Variants in EBF1 observed in about 807,000 individuals in gnomAD.
EBF1 encodes EBF transcription factor 1.
EBF1 carries 10 observed loss-of-function variants against 68.4 expected under a neutral mutation model. The observed-to-expected ratio is 0.15, with a 90% CI of 0.09 to 0.25. EBF1 has a LOEUF of 0.25. Among genes scored for constraint, EBF1 ranks in the 10% least tolerant of loss-of-function variants. The pLI, the probability that EBF1 is intolerant of heterozygous loss-of-function variation, is 1.00. For synonymous variants in EBF1, 298 were observed against 299.8 expected (o/e 0.99, Z 0.06); for missense variants, 509 against 794.4 (o/e 0.64, Z 4.32).
At chr5:159,069,689 G>A (rs1777482454) in intron 6 of EBF1, among the ~76,000 whole-genome samples, 1 of 152,086 alleles carries the variant, frequency 6.6e-6, no homozygotes, top group Non-Finnish European at 1.5e-5. Flanking sequence ...TACCCTATGT[G>A]ACTTTTGTCA....
At chr5:158,820,515 GACTC>G (rs1330600197) in intron 8 of EBF1, among the ~76,000 whole-genome samples, 1 of 152,274 alleles carries the variant, frequency 6.6e-6, no homozygotes, top group Non-Finnish European at 1.5e-5. Context: ...GTGGTTGGTT[GACTC>G]ACTCTGCAGA....
intron 7 of EBF1, among the ~76,000 whole-genome samples, chr5:158,826,315 G>A (rs1786101061): frequency 6.6e-6 from 1 of 152,190 alleles, no homozygotes; most frequent in Non-Finnish European, 1.5e-5. Flanking sequence ...CAATACAGAA[G>A]CCAAATGCCT....
At chr5:158,804,840 C>T (rs1781274626) in intron 8 of EBF1, among the ~76,000 whole-genome samples, 1 of 152,106 alleles carries the variant, frequency 6.6e-6, no homozygotes, top group East Asian at 1.9e-4. Context: ...CTTTGGGTTT[C>T]TTTCCCACCT....
rs1763190387 is a variant in EBF1, at chr5:159,004,557, GGT to G, written c.554+68837_554+68838del. Among the ~76,000 whole-genome samples, 4 of 151,984 alleles carry G rather than the reference GGT, an allele frequency of 2.6e-5. 1 individual carries two copies. Among genetic ancestry groups the G allele is most frequent in the African/African-American group, 9.7e-5 (4 of 41,348 alleles). On this transcript the variant is annotated intron_variant, in intron 6 of 15. Coordinates refer to ENST00000313708, the MANE Select transcript of EBF1 (RefSeq NM_024007.5). ...TAGTAGGTAGGTAGGTAGGTAGGTA[GGT>G]AGGTAGGTAGATAATCAAAGTCTTT...
At chr5:158,943,832 G>A (rs1051826548) in intron 6 of EBF1, among the ~76,000 whole-genome samples, 5 of 152,092 alleles carry the variant, frequency 3.3e-5, no homozygotes, top group Admixed American at 1.3e-4. Context: ...TCCATGTTTG[G>A]GTCAATCAAG....
rs1271149781 is a variant in EBF1, at chr5:159,062,097, G to C, written c.554+11299C>G. Among the ~76,000 whole-genome samples the C allele has an allele frequency of 5.9e-5, 9 of 152,314 alleles. No individual in the cohort carries two copies. In the South Asian group the frequency reaches 1.2e-3, roughly 21 times the overall value. ...CTATCTGCCTTTAACAGGAAGAAGA[G>C]ATGGGCTCAATGAGGACGACTCACG... On this transcript the variant is annotated intron_variant, in intron 6 of 15. Transcript: ENST00000313708.
chr5:159,042,629 T>G (rs892662592), intron 6 of EBF1, among the ~76,000 whole-genome samples: 3 of 152,142 alleles, frequency 2.0e-5, no homozygotes, highest in East Asian at 1.9e-4. Context: ...TGTGTATGTT[T>G]TGGCTCCCCA....
intron 6 of EBF1, among the ~76,000 whole-genome samples, chr5:158,964,628 T>C (rs917232546): frequency 2.0e-5 from 3 of 152,176 alleles, no homozygotes; most frequent in African/African-American, 7.2e-5. Flanking sequence ...TACCTAAGGC[T>C]TCCCCAATCC....
chr5:158,833,335 T>A (rs1788032714), intron 7 of EBF1, among the ~76,000 whole-genome samples: 2 of 151,696 alleles, frequency 1.3e-5, no homozygotes, highest in African/African-American at 4.8e-5. Context: ...GGTTTTCATC[T>A]CCCACCCCAC....
rs934715132 is a variant in EBF1, at chr5:159,076,443, C to T, written c.486-2979G>A. ...TTTTTCCTTTTCACTTAAGCACGGT[C>T]GTCATCTAAAAATAAAAATGTCCCT... is the stretch of plus-strand genomic sequence containing the variant. On this transcript the variant is annotated intron_variant, in intron 5 of 15. Transcript: ENST00000313708. 3.3e-5 allele frequency among the ~76,000 whole-genome samples: 5 copies of T among 152,180 alleles called. No homozygotes were observed. The South Asian group carries it at 1.0e-3, about 32-fold the overall frequency.
At chr5:158,926,584 C>G (rs571714268) in intron 6 of EBF1, among the ~76,000 whole-genome samples, 3 of 151,900 alleles carry the variant, frequency 2.0e-5, no homozygotes, top group South Asian at 2.1e-4. Flanking sequence ...ATTAGCCAGG[C>G]ATGGTGGCAC....
At chr5:158,992,113 T>C (rs1013706441) in intron 6 of EBF1, among the ~76,000 whole-genome samples, 14 of 151,810 alleles carry the variant, frequency 9.2e-5, no homozygotes, top group African/African-American at 3.1e-4. Flanking sequence ...TAAAGCCATT[T>C]AAAGGAAAAA....
chr5:159,094,545 G>A (rs1283695377), intron 4 of EBF1, among the ~76,000 whole-genome samples: 1 of 152,012 alleles, frequency 6.6e-6, no homozygotes, highest in Non-Finnish European at 1.5e-5. Context: ...AAGCCGTGGT[G>A]TATCTAAAAA....
chr5:159,068,581 C>T (rs1382932348), intron 6 of EBF1, among the ~76,000 whole-genome samples: 1 of 152,128 alleles, frequency 6.6e-6, no homozygotes, highest in East Asian at 1.9e-4. Flanking sequence ...ATTTACACCT[C>T]TTAGAAAAAG....
chr5:158,977,020 C>T (rs1756909342), intron 6 of EBF1, among the ~76,000 whole-genome samples: 1 of 152,118 alleles, frequency 6.6e-6, no homozygotes, highest in South Asian at 2.1e-4. Flanking sequence ...AGAATCTGCC[C>T]CTACACCCAA....
chr5:159,070,803 A>G (rs1034038944), intron 6 of EBF1, among the ~76,000 whole-genome samples: 10 of 152,234 alleles, frequency 6.6e-5, no homozygotes, highest in South Asian at 2.1e-4. Context: ...ATTGCTACTG[A>G]ATGCAGGCCT....
At chr5:159,003,937 G>C (rs750357481) in intron 6 of EBF1, among the ~76,000 whole-genome samples, 33 of 152,170 alleles carry the variant, frequency 2.2e-4, no homozygotes, top group Non-Finnish European at 4.0e-4. Context: ...AAAATGTTGG[G>C]AGAATTTCTA....
At chr5:158,892,836 TATTATTTTTA>T in intron 6 of EBF1, among the ~76,000 whole-genome samples, 1 of 152,320 alleles carries the variant, frequency 6.6e-6, no homozygotes, top group African/African-American at 2.4e-5. Context: ...TCTTATTTTT[TATTATTTTTA>T]ATTTCAAGCC....
chr5:158,873,747 G>A (rs188706763), intron 6 of EBF1, among the ~76,000 whole-genome samples: 1 of 152,238 alleles, frequency 6.6e-6, no homozygotes, highest in East Asian at 1.9e-4. Flanking sequence ...AAGGACTTTG[G>A]CCTCATCAGG....
Sources: allele counts gnomAD v4.1 joint callset (sites outside exome capture counted in the v4.1 genomes callset), GRCh38; gene constraint gnomAD v4.1.1; transcripts MANE v1.5; gene names NCBI Gene and HGNC (gene_info 2026-07-23, HGNC 2026-07-21).